Variants in RANBP2 observed in about 807,000 individuals in gnomAD.
RANBP2 encodes RAN binding protein 2.
A neutral mutation model predicts 303.6 loss-of-function variants in RANBP2; 57 were observed. That is an observed-to-expected ratio of 0.19 (90% CI 0.15 to 0.23). The LOEUF (loss-of-function observed/expected upper bound fraction) is 0.23. Among genes scored for constraint, RANBP2 ranks in the 10% least tolerant of loss-of-function variants. The pLI is 1.00. For missense variants in RANBP2, 3,138 were observed against 3,780.8 expected, an observed-to-expected ratio of 0.83 and a Z score of 4.46; for synonymous variants, 1,167 against 1,301.5, an observed-to-expected ratio of 0.90 and a Z score of 2.23.
the RANBP2 span, among the ~76,000 whole-genome samples, chr2:109,283,476 C>T: frequency 6.6e-6 from 1 of 152,186 alleles, no homozygotes; most frequent in African/African-American, 2.4e-5. Context: ...CTGGTGACCA[C>T]AGAGACCCCT....
chr2:108,911,022 T>C, the RANBP2 span: 2 of 1,614,130 alleles, frequency 1.2e-6, no homozygotes, highest in South Asian at 2.2e-5. Context: ...ATGAAGATGG[T>C]GGACATTGCA....
the RANBP2 span, among the ~76,000 whole-genome samples, chr2:109,328,193 G>A: frequency 6.6e-6 from 1 of 152,222 alleles, no homozygotes; most frequent in Non-Finnish European, 1.5e-5. Context: ...TAGTCCATGT[G>A]TGGATTTCCC....
chr2:109,570,878 C>A, the RANBP2 span, among the ~76,000 whole-genome samples: 1 of 152,082 alleles, frequency 6.6e-6, no homozygotes, highest in South Asian at 2.1e-4. Context: ...TGCAAGGATA[C>A]AAGTAGGTTA....
chr2:109,068,198 C>T, the RANBP2 span, among the ~76,000 whole-genome samples: 1 of 151,682 alleles, frequency 6.6e-6, no homozygotes, highest in Non-Finnish European at 1.5e-5. Context: ...TTCATCTTTT[C>T]GCGGAACTGT....
At chr2:109,126,329 T>C in the RANBP2 span, among the ~76,000 whole-genome samples, 1 of 152,136 alleles carries the variant, frequency 6.6e-6, no homozygotes, top group Admixed American at 6.5e-5. Flanking sequence ...TTGTCTGTCT[T>C]GGGTCGTGCA....
chr2:109,391,699 C>T, the RANBP2 span, among the ~76,000 whole-genome samples: 1 of 152,316 alleles, frequency 6.6e-6, no homozygotes, highest in Admixed American at 6.5e-5. Context: ...GTCCACAGGC[C>T]TCTGAGGCCA....
chr2:109,696,527 C>T, the RANBP2 span, among the ~76,000 whole-genome samples: 1 of 152,140 alleles, frequency 6.6e-6, no homozygotes, highest in African/African-American at 2.4e-5. Flanking sequence ...TACTCTAATG[C>T]CATTCCTAAA....
the RANBP2 span, among the ~76,000 whole-genome samples, chr2:109,114,047 T>C: frequency 1.3e-5 from 2 of 152,260 alleles, no homozygotes; most frequent in African/African-American, 4.8e-5. Flanking sequence ...CAGTATTTTA[T>C]TGAGGATTTT....
chr2:109,099,806 A>G, the RANBP2 span, among the ~76,000 whole-genome samples: 1 of 152,080 alleles, frequency 6.6e-6, no homozygotes, highest in Non-Finnish European at 1.5e-5. Context: ...TTTTTTAATC[A>G]TACCTATTTT....
the RANBP2 span, among the ~76,000 whole-genome samples, chr2:108,907,154 C>T: frequency 6.6e-6 from 1 of 152,202 alleles, no homozygotes; most frequent in Non-Finnish European, 1.5e-5. Context: ...GGGACAGTTT[C>T]TACATGTGAA....
At chr2:109,455,464 A>G in the RANBP2 span, among the ~76,000 whole-genome samples, 1 of 152,368 alleles carries the variant, frequency 6.6e-6, no homozygotes, top group African/African-American at 2.4e-5. Context: ...TGGGGCGTGG[A>G]GTCTGTGGGA....
At chr2:108,778,372 A>G (rs2149319410) in intron 25 of RANBP2, among the ~76,000 whole-genome samples, 1 of 152,336 alleles carries the variant, frequency 6.6e-6, no homozygotes, top group East Asian at 1.9e-4. Flanking sequence ...TAAAAATAGT[A>G]TTTGAAACTG....
chr2:109,090,310 T>TCA, the RANBP2 span, among the ~76,000 whole-genome samples: 1,012 of 109,702 alleles, frequency 9.2e-3, 17 homozygotes, highest in African/African-American at 0.036. Flanking sequence ...ACACCTCGCC[T>TCA]CACACACACA....
the RANBP2 span, chr2:109,593,042 C>CA: frequency 1.3e-6 from 2 of 1,568,150 alleles, no homozygotes; most frequent in Non-Finnish European, 1.7e-6. Context: ...ATTTAAAAGA[C>CA]ATACTCACTA....
chr2:108,790,000 G>A (rs1679636636), downstream of RANBP2, among the ~76,000 whole-genome samples: 1 of 152,108 alleles, frequency 6.6e-6, no homozygotes, highest in African/African-American at 2.4e-5. Flanking sequence ...AAATAATTAT[G>A]CCTAAAGTAT....
the RANBP2 span, among the ~76,000 whole-genome samples, chr2:109,074,185 A>G: frequency 6.6e-6 from 1 of 150,396 alleles, no homozygotes; most frequent in East Asian, 1.9e-4. Flanking sequence ...TGGCCAACAT[A>G]GTGAAACCTG....
At chr2:109,160,170 G>A in the RANBP2 span, among the ~76,000 whole-genome samples, 1 of 152,134 alleles carries the variant, frequency 6.6e-6, no homozygotes, top group African/African-American at 2.4e-5. Context: ...GTGTCACCAG[G>A]AAGTCACTCT....
chr2:108,868,771 A>T, the RANBP2 span, among the ~76,000 whole-genome samples: 5 of 152,190 alleles, frequency 3.3e-5, no homozygotes, highest in African/African-American at 1.2e-4. Context: ...AAAAATAAAT[A>T]CTAAGAACAT....
At chr2:109,315,679 G>A in the RANBP2 span, among the ~76,000 whole-genome samples, 9 of 152,210 alleles carry the variant, frequency 5.9e-5, no homozygotes, top group Admixed American at 6.5e-5. Context: ...AAAGGGGCGA[G>A]CTCTGTCTCA....
Sources: allele counts gnomAD v4.1 joint callset (sites outside exome capture counted in the v4.1 genomes callset), GRCh38; gene constraint gnomAD v4.1.1; transcripts MANE v1.5; gene names NCBI Gene and HGNC (gene_info 2026-07-23, HGNC 2026-07-21).